The following PIEZO1 variants were observed in gnomAD, a reference collection of about 807,000 sequenced individuals.
The protein encoded by PIEZO1 is piezo type mechanosensitive ion channel component 1 (Er blood group), also known as piezo-type mechanosensitive ion channel component 1.
Under a neutral mutation model 297.2 loss-of-function variants are expected in PIEZO1, and 296 were observed. The ratio of observed to expected loss-of-function variants is 1.00; its 90% CI spans 0.91 to 1.10. PIEZO1 has a LOEUF of 1.10. Ranked by LOEUF, PIEZO1 falls within the 50% of genes least tolerant of loss-of-function variation. The probability of loss-of-function intolerance (pLI) is 0.00; values close to 1 mark genes in which losing one functional copy is unlikely to be tolerated. For missense variants in PIEZO1, 5,018 were observed against 3,455.5 expected (o/e 1.45, Z -11.34); for synonymous variants, 2,427 against 1,507.5 (o/e 1.61, Z -14.13).
At chr16:88,775,758 A>C (rs1304214577) in intron 1 of PIEZO1, among the ~76,000 whole-genome samples, 1 of 151,776 alleles carries the variant, frequency 6.6e-6, no homozygotes. Flanking sequence ...AAGAAAAAAG[A>C]CATGGCGAAG....
rs894428138 is a variant in PIEZO1, at chr16:88,754,619, G to A, written c.65-5140C>T. Among the ~76,000 whole-genome samples, 5 of 152,334 alleles carry A rather than the reference G, an allele frequency of 3.3e-5. 1 individual carries two copies. On this transcript the variant is annotated intron_variant, in intron 1 of 50. Coordinates refer to ENST00000301015, the MANE Select transcript of PIEZO1 (RefSeq NM_001142864.4). ...AAGGACTGTCACAGGGAGGGCTGCC[G>A]GATGGGGCTTTCACAACCTGGACAC... is the stretch of plus-strand genomic sequence containing the variant.
intron 41 of PIEZO1, 49 bp downstream of exon 41, chr16:88,720,336 G>A (rs1344343512): frequency 3.9e-6 from 6 of 1,549,976 alleles, no homozygotes; most frequent in Non-Finnish European, 5.2e-6. Flanking sequence ...GGATGTGGGT[G>A]GCTGCTGAGC....
chr16:88,718,405 C>A (rs1377022558), intron 44 of PIEZO1: 1 of 152,598 alleles, frequency 6.6e-6, no homozygotes, highest in African/African-American at 2.4e-5. Flanking sequence ...GGCACACAGA[C>A]GTGTACACCG....
rs573420443 is a variant in PIEZO1 at position 88,772,090 on chromosome 16, C to T, written c.64+12811G>A. Reference sequence around the variant, plus strand: ...CTGAGACTCTATGCCTGTCCACCCGCGGCCCCAGGCCCTCCTGAGACTCTG... The same window carrying T: ...CTGAGACTCTATGCCTGTCCACCCGTGGCCCCAGGCCCTCCTGAGACTCTG... On this transcript the variant is annotated intron_variant, in intron 1 of 50. Transcript: ENST00000301015. 1.9e-4 allele frequency among the ~76,000 whole-genome samples: 28 copies of T among 150,298 alleles called. No homozygotes were observed. In the East Asian group the frequency reaches 5.6e-3, roughly 30 times the overall value.
chr16:88,723,451 G>A lies in PIEZO1; in HGVS notation c.4336-123C>T, dbSNP rs531537906. On this transcript the variant is annotated intron_variant, in intron 31 of 50. Transcript: ENST00000301015. ...TGCTCTGTGTCTCCCAGGGACCTCCGTGTCCCTGAGCCCCTCCCGGATGGG... is the reference window on the plus strand; with the variant it reads ...TGCTCTGTGTCTCCCAGGGACCTCCATGTCCCTGAGCCCCTCCCGGATGGG... 1.5e-4 allele frequency: 168 copies of A among 1,128,472 alleles called. 1 individual carries two copies. The South Asian group carries it at 2.1e-3, about 14-fold the overall frequency. 69.9% of individuals were successfully genotyped at this position (1,128,472 alleles called of 1,614,324 possible).
chr16:88,764,303 A>C (rs1445190569), intron 1 of PIEZO1, among the ~76,000 whole-genome samples: 1 of 152,162 alleles, frequency 6.6e-6, no homozygotes, highest in South Asian at 2.1e-4. Context: ...GGTTCCATAT[A>C]ACCCATTCTC....
chr16:88,755,804 C>T (rs762574417), intron 1 of PIEZO1, among the ~76,000 whole-genome samples: 5 of 152,186 alleles, frequency 3.3e-5, no homozygotes, highest in Non-Finnish European at 5.9e-5. Flanking sequence ...AGGAGAGCCT[C>T]GGGCGGTGGA....
At position 88,722,214 on chromosome 16, in the gene PIEZO1, C is replaced by T. The variant is rs753180348; in HGVS notation, c.4955+4G>A. 6.5e-7 allele frequency: 1 copy of T among 1,545,394 alleles called. No homozygotes were observed. The highest frequency in any genetic ancestry group is 1.2e-5 in the South Asian group (1 of 83,894). On this transcript the variant is annotated splice_donor_region_variant and intron_variant, in intron 36 of 50. Transcript: ENST00000301015. ...GGCTGGTGTTGTGCGCGTCCCGCCC[C>T]CACCTGTCCAGGAGCAGCTCGCTGG... is the stretch of plus-strand genomic sequence containing the variant.
chr16:88,720,271 C>A lies in PIEZO1; in HGVS notation c.5962G>T (p.Ala1988Ser), dbSNP rs1302411456. ...GATAGGGAGGACGTGATGTCTGTGG[C>A]CGCCGAGTGCTTCTGTGGCCAGGAG... ...GFWAFGKHSA[A>S]TDITSSLSDD... is the part of the protein sequence containing the mutation. The change falls in exon 42 of 51, where the codon GCC (alanine) becomes TCC (serine). Residue 1988 changes from alanine (A) to serine (S), a missense_variant. By Grantham distance (99) the Ala-to-Ser change is moderately conservative. Coordinates refer to ENST00000301015, the MANE Select transcript of PIEZO1 (RefSeq NM_001142864.4). 9 of 1,550,364 alleles carry A rather than the reference C, an allele frequency of 5.8e-6. No individual in the cohort carries two copies. The highest frequency in any genetic ancestry group is 7.8e-6 in the Non-Finnish European group (9 of 1,146,952).
Position 88,784,935 on chromosome 16 carries a change from C to T in PIEZO1, c.30G>A (p.Leu10=). ...GCGCGCAGGGCAGCAGCAGCCAGTA[C>T]AGGACCGCGCCGAGCACGTGCGGCT... The part of the protein sequence containing the change: MEPHVLGAV[L]YWLLLPCALL... Residue 10 remains leucine (L), a synonymous_variant, in exon 1 of 51, where the codon CTG becomes CTA. Coordinates refer to ENST00000301015, the MANE Select transcript of PIEZO1 (RefSeq NM_001142864.4). The T allele has an allele frequency of 7.1e-7, 1 of 1,403,152 alleles. No homozygotes were observed. The highest frequency in any genetic ancestry group is 1.4e-5 in the South Asian group (1 of 71,868). The allele number at this position is 1,403,152 out of a possible 1,614,324, so 86.9% of individuals were successfully genotyped here.
At chr16:88,749,235 G>A (rs538545498) in intron 2 of PIEZO1, 149 bp downstream of exon 2, 86 of 537,058 alleles carry the variant, frequency 1.6e-4, no homozygotes, top group Admixed American at 3.7e-4. Flanking sequence ...GCGAGACTCC[G>A]TCTCAAAAAA....
chr16:88,716,431 C>T lies in PIEZO1; in HGVS notation c.6979G>A (p.Ala2327Thr). Residue 2327 changes from alanine to threonine, a missense_variant, in exon 48 of 51, where the codon GCC becomes ACC. Physicochemically the swap from Ala to Thr is moderately conservative, Grantham distance 58. Transcript: ENST00000301015. ...CGTGCAGTGCTGTTGGGGGCCAGGG[C>T]CAGCATGTGCTTCTCGTTGGCATAC... The part of the protein sequence containing the change: ...VEYANEKHML[A>T]LAPNSTARRQ... 1 of 1,549,788 alleles carries T rather than the reference C, an allele frequency of 6.5e-7. No individual in the cohort carries two copies. The highest frequency in any genetic ancestry group is 8.7e-7 in the Non-Finnish European group (1 of 1,146,686).
At chr16:88,770,876 C>T (rs753509242) in intron 1 of PIEZO1, among the ~76,000 whole-genome samples, 3 of 152,230 alleles carry the variant, frequency 2.0e-5, no homozygotes, top group Non-Finnish European at 2.9e-5. Flanking sequence ...AGTGAGGTGC[C>T]CTGGGGGCTT....
intron 1 of PIEZO1, among the ~76,000 whole-genome samples, chr16:88,777,685 GA>G (rs1391577024): frequency 2.0e-5 from 3 of 152,228 alleles, no homozygotes; most frequent in Non-Finnish European, 4.4e-5. Flanking sequence ...TCAAGTAAAT[GA>G]GGGAGCGAGG....
At chr16:88,766,255 G>A (rs1259847052) in intron 1 of PIEZO1, among the ~76,000 whole-genome samples, 1 of 152,194 alleles carries the variant, frequency 6.6e-6, no homozygotes, top group Non-Finnish European at 1.5e-5. Flanking sequence ...AGGCAGGGGA[G>A]TGTCGCCTAA....
Position 88,720,072 on chromosome 16 carries a change from T to C in PIEZO1, c.6161A>G (p.Glu2054Gly), listed in dbSNP as rs1287661413. 1.9e-6 allele frequency: 3 copies of C among 1,549,998 alleles called. No individual in the cohort carries two copies. The African/African-American group carries it at 4.1e-5, about 21-fold the overall frequency. ...WMFFILPAVT[E>G]RMFNQNVVAQ... is the part of the protein sequence containing the mutation. ...GCGCCCCCACGCGTGGGCCCACCTCTCAGTGACGGCGGGCAGGATGAAGAA... is the reference window on the plus strand; with the variant it reads ...GCGCCCCCACGCGTGGGCCCACCTCCCAGTGACGGCGGGCAGGATGAAGAA... Residue 2054 changes from glutamate to glycine, a missense_variant, in exon 42 of 51, where the codon GAG (glutamate) becomes GGG (glycine). Glu to Gly is a moderately conservative substitution (Grantham distance 98). Transcript: ENST00000301015.
In PIEZO1 at chr16:88,727,560, T is replaced by G; in HGVS notation, c.3298A>C (p.Ile1100Leu). 1.4e-6 allele frequency: 2 copies of G among 1,399,804 alleles called. No individual in the cohort carries two copies. Among genetic ancestry groups the G allele is most frequent in the Non-Finnish European group, 2.0e-6 (2 of 1,023,520 alleles). 86.7% of individuals were successfully genotyped at this position (1,399,804 alleles called of 1,614,324 possible). The change falls in exon 23 of 51, where the codon ATC becomes CTC. Residue 1100 changes from isoleucine to leucine, a missense_variant. By Grantham distance (5) the Ile-to-Leu change is conservative. Coordinates refer to ENST00000301015, the MANE Select transcript of PIEZO1 (RefSeq NM_001142864.4). ...GGGGGTGGTGGGGGGCACTCACTGA[T>G]GAGGTTGGTGGAGTTGGGGGCCCGG... ...FFRAPNSTNLISDFLLLLCAS... is the reference protein window; with the variant it reads ...FFRAPNSTNLLSDFLLLLCAS...
At chr16:88,734,254 T>A (rs1905062117) in intron 16 of PIEZO1, 102 bp downstream of exon 16, 3 of 1,252,268 alleles carry the variant, frequency 2.4e-6, no homozygotes, top group African/African-American at 1.5e-5. Flanking sequence ...CCTTGGGATC[T>A]GAAGGTGGAA....
At position 88,741,212 on chromosome 16, in the gene PIEZO1, T is replaced by G. The variant is rs147432046; in HGVS notation, c.465+266A>C. 917 of 380,356 alleles carry G rather than the reference T, an allele frequency of 2.4e-3. 2 individuals carry two copies. Among genetic ancestry groups the G allele is most frequent in the Middle Eastern group, 7.3e-3 (10 of 1,368 alleles). 23.6% of individuals were successfully genotyped at this position (380,356 alleles called of 1,614,324 possible). On this transcript the variant is annotated intron_variant, in intron 5 of 50. Coordinates refer to ENST00000301015, the MANE Select transcript of PIEZO1 (RefSeq NM_001142864.4). ...ACCGCGTGGCCCCAAATAATTCCCCTGTGAAGAGTTCCTAAGGGCACAGAT... is the reference window on the plus strand; with the variant it reads ...ACCGCGTGGCCCCAAATAATTCCCCGGTGAAGAGTTCCTAAGGGCACAGAT...
Sources: allele counts gnomAD v4.1 joint callset (sites outside exome capture counted in the v4.1 genomes callset), GRCh38; gene constraint gnomAD v4.1.1; transcripts MANE v1.5; gene names NCBI Gene and HGNC (gene_info 2026-07-23, HGNC 2026-07-21).